The following AMBN variants were observed in gnomAD, a reference collection of about 807,000 sequenced individuals.
The protein encoded by AMBN is enamel matrix protein.
In AMBN, 54 loss-of-function variants were observed where a neutral mutation model predicts 48.0. The observed-to-expected ratio is 1.12, with a 90% CI of 0.90 to 1.41. The LOEUF is 1.41. AMBN is among the 40% of genes most tolerant of loss of function. The pLI, the probability that AMBN is intolerant of heterozygous loss-of-function variation, is 0.00. For synonymous variants in AMBN, 186 were observed against 190.0 expected, an observed-to-expected ratio of 0.98 and a Z score of 0.17; for missense variants, 571 against 547.3, an observed-to-expected ratio of 1.04 and a Z score of -0.43.
At chr4:70,593,258 A>G in intron 1 of AMBN, 69 bp from the exon 2 acceptor site, 1 of 1,340,278 alleles carries the variant, frequency 7.5e-7, no homozygotes, top group Non-Finnish European at 1.0e-6. Context: ...CTCATTTTCA[A>G]AAATTGTCTT....
intron 2 of AMBN, 62 bp downstream of exon 2, chr4:70,593,457 C>T (rs959735031): frequency 6.3e-5 from 87 of 1,376,714 alleles, no homozygotes; most frequent in Non-Finnish European, 8.6e-5. Flanking sequence ...CCAAACAACA[C>T]TGAAGGGATA....
In AMBN at chr4:70,598,513, G is replaced by A. The variant is rs556921138; in HGVS notation, c.183+110G>A. The A allele has an allele frequency of 2.5e-4, 195 of 773,950 alleles. No homozygotes were observed. In the African/African-American group the frequency reaches 3.0e-3, roughly 12 times the overall value. 47.9% of individuals were successfully genotyped at this position (773,950 alleles called of 1,614,324 possible). A position where few individuals can be genotyped will look rare whatever the true frequency, so the allele number is the denominator to read the frequency against. ...TGAATAGACAATATACTAAAGATTG[G>A]AAGAACCAAGAAGTAAATGAGAGCC... On this transcript the variant is annotated intron_variant, in intron 4 of 12. Transcript: ENST00000322937.
chr4:70,606,895 T>C lies in AMBN; in HGVS notation c.*165T>C, dbSNP rs1361944767. Reference sequence around the variant, plus strand: ...TGGCTAGAAATAGTGTAGGTCCCCTTCTTGCTTTCAATATCTTGTTGAAAT... The same window carrying C: ...TGGCTAGAAATAGTGTAGGTCCCCTCCTTGCTTTCAATATCTTGTTGAAAT... On this transcript the variant is annotated 3_prime_UTR_variant, in exon 13 of 13. Transcript: ENST00000322937. 1 of 717,398 alleles carries C rather than the reference T, an allele frequency of 1.4e-6. No individual in the cohort carries two copies. The highest frequency in any genetic ancestry group is 2.2e-6 in the Non-Finnish European group (1 of 450,648). 44.4% of individuals were successfully genotyped at this position (717,398 alleles called of 1,614,324 possible). A position where few individuals can be genotyped will look rare whatever the true frequency, so the allele number is the denominator to read the frequency against.
At chr4:70,595,247 C>T (rs1737362547) in intron 2 of AMBN, among the ~76,000 whole-genome samples, 1 of 136,794 alleles carries the variant, frequency 7.3e-6, no homozygotes, top group Admixed American at 7.9e-5. Flanking sequence ...GAGTGCAATG[C>T]TGAGATCTCA....
intron 12 of AMBN, among the ~76,000 whole-genome samples, chr4:70,604,326 A>G (rs1040294256): frequency 1.3e-5 from 2 of 152,228 alleles, no homozygotes; most frequent in African/African-American, 4.8e-5. Context: ...TCAGATCTCA[A>G]AATTGAAAGA....
At chr4:70,604,988 G>A (rs1394114547) in intron 12 of AMBN, among the ~76,000 whole-genome samples, 3 of 101,796 alleles carry the variant, frequency 2.9e-5, no homozygotes, top group African/African-American at 1.1e-4. Flanking sequence ...GCAAGACCCT[G>A]CCTTAAAAAA....
rs1737673684 is a variant in AMBN at position 70,606,902 on chromosome 4, T to G, written c.*172T>G. The G allele has an allele frequency of 1.5e-6, 1 of 674,344 alleles. No individual in the cohort carries two copies. Among genetic ancestry groups the G allele is most frequent in the East Asian group, 2.8e-5 (1 of 36,262 alleles). 41.8% of individuals were successfully genotyped at this position (674,344 alleles called of 1,614,324 possible). Reference sequence around the variant, plus strand: ...AAATAGTGTAGGTCCCCTTCTTGCTTTCAATATCTTGTTGAAATAAAATGT... The same window carrying G: ...AAATAGTGTAGGTCCCCTTCTTGCTGTCAATATCTTGTTGAAATAAAATGT... On this transcript the variant is annotated 3_prime_UTR_variant, in exon 13 of 13. Transcript: ENST00000322937.
At chr4:70,593,711 A>G (rs1737326685) in intron 2 of AMBN, among the ~76,000 whole-genome samples, 1 of 152,096 alleles carries the variant, frequency 6.6e-6, no homozygotes. Context: ...CTAAAAATAC[A>G]AAAATTAGCC....
intron 10 of AMBN, 25 bp from the exon 11 acceptor site, chr4:70,603,391 G>T: frequency 1.9e-6 from 3 of 1,613,364 alleles, no homozygotes; most frequent in Non-Finnish European, 2.5e-6. Flanking sequence ...AATGCATTTT[G>T]TGATAATGAT....
rs773972418 is a variant in AMBN at position 70,598,357 on chromosome 4, C to A, written c.137C>A (p.Thr46Lys). ...TPGMASLSLE[T>K]MRQLGSLQRL... ...TAACCCACTTTTTTTTCTTGATAGA[C>A]AATGAGACAGTTGGGAAGTCTGCAG... Residue 46 changes from threonine (T) to lysine (K), a missense_variant and splice_region_variant, in exon 4 of 13, where the codon ACA (threonine) becomes AAA (lysine). By Grantham distance (78) the Thr-to-Lys change is moderately conservative. Transcript: ENST00000322937. The A allele has an allele frequency of 1.3e-6, 2 of 1,577,496 alleles. No homozygotes were observed.
chr4:70,603,343 C>A, intron 10 of AMBN, 24 bp downstream of exon 10: 1 of 1,613,082 alleles, frequency 6.2e-7, no homozygotes. Flanking sequence ...AATACCACAT[C>A]TCTGTTTGCA....
chr4:70,606,156 G>A (rs1737637561), intron 12 of AMBN, 29 bp from the exon 13 acceptor site: 2 of 1,610,500 alleles, frequency 1.2e-6, no homozygotes, highest in South Asian at 2.2e-5. Context: ...TGTGATGATG[G>A]CATCTTTGAC....
chr4:70,597,734 G>C (rs1737419115), intron 3 of AMBN, among the ~76,000 whole-genome samples: 1 of 152,118 alleles, frequency 6.6e-6, no homozygotes. Flanking sequence ...ATTTCACATG[G>C]AAGCTAATTT....
At chr4:70,599,463 G>A (rs1737467638) in intron 4 of AMBN, 73 bp from the exon 5 acceptor site, 7 of 1,184,916 alleles carry the variant, frequency 5.9e-6, no homozygotes, top group South Asian at 1.5e-5. Flanking sequence ...AAAAGGAAAA[G>A]GAAAACCAAA....
chr4:70,600,099 G>A (rs1378087836), intron 5 of AMBN, among the ~76,000 whole-genome samples: 1 of 152,122 alleles, frequency 6.6e-6, no homozygotes, highest in Non-Finnish European at 1.5e-5. Flanking sequence ...TTGAGGTCAG[G>A]AGTTCAAGAC....
chr4:70,592,343 C>T lies in AMBN; in HGVS notation c.-16C>T, dbSNP rs1202838807. On this transcript the variant is annotated 5_prime_UTR_variant, in exon 1 of 13. Transcript: ENST00000322937. ...ACTATCTTGGTTGGCATCATCAGGCCCTGAGAGCACAGTGCATGTCAGCAT... is the reference window on the plus strand; with the variant it reads ...ACTATCTTGGTTGGCATCATCAGGCTCTGAGAGCACAGTGCATGTCAGCAT... 1.1e-5 allele frequency: 18 copies of T among 1,613,560 alleles called. No homozygotes were observed. The highest frequency in any genetic ancestry group is 1.4e-5 in the Non-Finnish European group (16 of 1,179,800).
intron 1 of AMBN, among the ~76,000 whole-genome samples, chr4:70,592,884 T>C (rs993296178): frequency 1.3e-5 from 2 of 152,218 alleles, no homozygotes; most frequent in Non-Finnish European, 2.9e-5. Flanking sequence ...TAAAGGTTTG[T>C]TATAAAATGA....
Position 70,606,468 on chromosome 4 carries a change from T to A in AMBN, c.1082T>A (p.Ile361Asn). Residue 361 changes from isoleucine to asparagine, a missense_variant, in exon 13 of 13, where the codon ATT becomes AAT. Transcript: ENST00000322937. Reference protein sequence around the residue: ...AGLLALPKDDIPGLPRSPSGK... With the variant: ...AGLLALPKDDNPGLPRSPSGK... ...CTCCTTGCTCTCCCTAAGGATGACATTCCCGGCCTGCCAAGGAGCCCTTCA... is the reference window on the plus strand; with the variant it reads ...CTCCTTGCTCTCCCTAAGGATGACAATCCCGGCCTGCCAAGGAGCCCTTCA... The A allele has an allele frequency of 1.2e-6, 2 of 1,613,920 alleles. No individual in the cohort carries two copies. Among genetic ancestry groups the A allele is most frequent in the Non-Finnish European group, 1.7e-6 (2 of 1,179,952 alleles).
Position 70,593,364 on chromosome 4 carries a change from T to C in AMBN, c.53T>C (p.Leu18Pro), listed in dbSNP as rs989039064. ...LFKMKDLILI[L>P]CLLEMSFAVP... The stretch of plus-strand genomic sequence containing the variant: ...AAAATGAAGGACCTGATACTGATCC[T>C]ATGCCTCCTGGAAATGAGTTTTGCA... Residue 18 changes from leucine (L) to proline (P), a missense_variant, in exon 2 of 13, where the codon CTA becomes CCA. Physicochemically the swap from Leu to Pro is moderately conservative, Grantham distance 98. Coordinates refer to ENST00000322937, the MANE Select transcript of AMBN (RefSeq NM_016519.6). 8 of 1,612,766 alleles carry C rather than the reference T, an allele frequency of 5.0e-6. No homozygotes were observed. Among genetic ancestry groups the C allele is most frequent in the Non-Finnish European group, 5.9e-6 (7 of 1,178,986 alleles).
Sources: allele counts gnomAD v4.1 joint callset (sites outside exome capture counted in the v4.1 genomes callset), GRCh38; gene constraint gnomAD v4.1.1; transcripts MANE v1.5; gene names NCBI Gene and HGNC (gene_info 2026-07-23, HGNC 2026-07-21).